CACNG5: variants seen among roughly 807,000 people sequenced by gnomAD.
CACNG5 encodes voltage-dependent calcium channel gamma-5 subunit.
A neutral mutation model predicts 24.8 loss-of-function variants in CACNG5; 18 were observed. The observed-to-expected ratio is 0.73, with a 90% confidence interval of 0.50 to 1.08. The LOEUF is 1.08. Ranked by LOEUF, CACNG5 falls within the 50% of genes least tolerant of loss-of-function variation. The probability of loss-of-function intolerance (pLI) is 0.00; values close to 1 mark genes in which losing one functional copy is unlikely to be tolerated. For missense variants in CACNG5, 349 were observed against 367.9 expected, an observed-to-expected ratio of 0.95 and a Z score of 0.42; for synonymous variants, 157 against 149.1, an observed-to-expected ratio of 1.05 and a Z score of -0.39.
chr17:66,839,667 G>C (rs893045433), intron 1 of CACNG5, among the ~76,000 whole-genome samples: 10 of 87,224 alleles, frequency 1.1e-4, no homozygotes, highest in African/African-American at 4.6e-4. Context: ...GGAGGAACAT[G>C]GAGGGGGGTC....
Position 66,893,005 on chromosome 17 carries a change from CT to C in CACNG5, c.*7766del, listed in dbSNP as rs1977365421. On this transcript the variant is annotated 3_prime_UTR_variant, in exon 6 of 6. Transcript: ENST00000533854. ...CAACATCATGACCACCAACATGCAT[CT>C]AAAGTCCTTATCAGAGTCCTTGGCA... is the stretch of plus-strand genomic sequence containing the variant. Among the ~76,000 whole-genome samples the C allele has an allele frequency of 6.6e-6, 1 of 152,216 alleles. No homozygotes were observed.
chr17:66,848,446 G>C (rs935170040), intron 1 of CACNG5, among the ~76,000 whole-genome samples: 1 of 152,200 alleles, frequency 6.6e-6, no homozygotes, highest in African/African-American at 2.4e-5. Context: ...AGTGGGGACA[G>C]TCCCAGGTAT....
intron 1 of CACNG5, among the ~76,000 whole-genome samples, chr17:66,863,770 T>C (rs910999747): frequency 1.3e-5 from 2 of 152,230 alleles, no homozygotes; most frequent in East Asian, 3.8e-4. Context: ...GCCTGAAGAA[T>C]CTGTTTAGTA....
chr17:66,893,470 G>T lies in CACNG5; in HGVS notation c.*8230G>T, dbSNP rs550381809. On this transcript the variant is annotated 3_prime_UTR_variant, in exon 6 of 6. Coordinates refer to ENST00000533854, the MANE Select transcript of CACNG5 (RefSeq NM_145811.3). ...CGTGGTGGAACCTCGCCACACTCTT[G>T]TTCTGGATAAATTGAAGCAACTGGA... is the stretch of plus-strand genomic sequence containing the variant. Among the ~76,000 whole-genome samples the T allele has an allele frequency of 6.6e-6, 1 of 152,192 alleles. No individual in the cohort carries two copies. The highest frequency in any genetic ancestry group is 1.5e-5 in the Non-Finnish European group (1 of 68,030).
chr17:66,883,653 C>G (rs1977198419), intron 4 of CACNG5, among the ~76,000 whole-genome samples: 1 of 152,178 alleles, frequency 6.6e-6, no homozygotes, highest in African/African-American at 2.4e-5. Context: ...CCTTTACCTC[C>G]CCTACCTAAA....
At chr17:66,878,942 G>A in intron 2 of CACNG5, 30 bp from the exon 3 acceptor site, 1 of 1,546,542 alleles carries the variant, frequency 6.5e-7, no homozygotes, top group Non-Finnish European at 8.9e-7. Context: ...GTTCAAGAGG[G>A]ACCTGGAAAT....
chr17:66,870,854 C>T (rs1375817190), intron 1 of CACNG5, among the ~76,000 whole-genome samples: 1 of 152,088 alleles, frequency 6.6e-6, no homozygotes, highest in Non-Finnish European at 1.5e-5. Flanking sequence ...GTGTTGGGCA[C>T]CTGCAATCCC....
At chr17:66,852,160 G>A (rs1030141344) in intron 1 of CACNG5, among the ~76,000 whole-genome samples, 1 of 152,170 alleles carries the variant, frequency 6.6e-6, no homozygotes, top group South Asian at 2.1e-4. Context: ...AGAACTTCAG[G>A]CTTTCTGGTC....
intron 1 of CACNG5, among the ~76,000 whole-genome samples, chr17:66,876,036 A>T (rs1977073361): frequency 6.6e-6 from 1 of 152,212 alleles, no homozygotes; most frequent in Non-Finnish European, 1.5e-5. Flanking sequence ...AGATTTTAGT[A>T]GGCAGACAAC....
intron 1 of CACNG5, among the ~76,000 whole-genome samples, chr17:66,858,719 C>T (rs899173932): frequency 6.7e-6 from 1 of 149,432 alleles, no homozygotes; most frequent in Non-Finnish European, 1.5e-5. Flanking sequence ...TCCCAGGGGC[C>T]CCCTGAAGAG....
intron 1 of CACNG5, among the ~76,000 whole-genome samples, chr17:66,841,632 G>A (rs1976569696): frequency 6.6e-6 from 1 of 152,154 alleles, no homozygotes; most frequent in Non-Finnish European, 1.5e-5. Flanking sequence ...CTTCTCAGGG[G>A]GCTGCCACAG....
At chr17:66,840,943 G>A (rs1011141053) in intron 1 of CACNG5, among the ~76,000 whole-genome samples, 1 of 152,204 alleles carries the variant, frequency 6.6e-6, no homozygotes, top group Admixed American at 6.5e-5. Context: ...TTCTGATGAT[G>A]ATGGGATGTC....
At chr17:66,884,956 C>T (rs139964677) in intron 5 of CACNG5, 27 bp from the exon 6 acceptor site, 2 of 1,614,008 alleles carry the variant, frequency 1.2e-6, no homozygotes, top group African/African-American at 1.3e-5. Context: ...AGCAGCGAGC[C>T]CATCCTCTGC....
rs141219015 is a variant in CACNG5, at chr17:66,877,510, C to T, written c.178C>T (p.Arg60Trp). Residue 60 changes from arginine (R) to tryptophan (W), a missense_variant, in exon 2 of 6, where the codon CGG (arginine) becomes TGG (tryptophan). Physicochemically the swap from Arg to Trp is moderately radical, Grantham distance 101. Transcript: ENST00000533854. ...IKMSLHSGLW[R>W]VCFLAGEERG... ...GATGTCCCTGCACTCAGGCCTCTGG[C>T]GGGTCTGCTTCCTTGCAGGTAAGGG... 131 of 1,613,752 alleles carry T rather than the reference C, an allele frequency of 8.1e-5. 1 individual carries two copies. The highest frequency in any genetic ancestry group is 7.1e-4 in the African/African-American group (53 of 75,022).
chr17:66,873,714 C>T (rs1977041128), intron 1 of CACNG5, among the ~76,000 whole-genome samples: 1 of 152,196 alleles, frequency 6.6e-6, no homozygotes, highest in South Asian at 2.1e-4. Flanking sequence ...TTTAATCACA[C>T]CAGCAATTTT....
At position 66,885,530 on chromosome 17, in the gene CACNG5, C is replaced by T; in HGVS notation, c.*290C>T. 2.3e-6 allele frequency: 1 copy of T among 431,214 alleles called. No individual in the cohort carries two copies. Among genetic ancestry groups the T allele is most frequent in the Non-Finnish European group, 4.1e-6 (1 of 242,296 alleles). 26.7% of individuals were successfully genotyped at this position (431,214 alleles called of 1,614,324 possible). A position where few individuals can be genotyped will look rare whatever the true frequency, so the allele number is the denominator to read the frequency against. On this transcript the variant is annotated 3_prime_UTR_variant, in exon 6 of 6. Transcript: ENST00000533854. Reference sequence around the variant, plus strand: ...TGGCTCCAGGAAGCCAGCAGCTCCCCCCAAGCCCAGGAGACACCGATGTTC... The same window carrying T: ...TGGCTCCAGGAAGCCAGCAGCTCCCTCCAAGCCCAGGAGACACCGATGTTC...
intron 1 of CACNG5, among the ~76,000 whole-genome samples, chr17:66,846,407 G>A (rs1293712708): frequency 6.6e-6 from 1 of 152,046 alleles, no homozygotes. Flanking sequence ...CAAGGCCCTG[G>A]CAACCTCTAA....
rs1977381213 is a variant in CACNG5 at position 66,894,109 on chromosome 17, C to A, written c.*8869C>A. 6.6e-6 allele frequency among the ~76,000 whole-genome samples: 1 copy of A among 152,162 alleles called. No individual in the cohort carries two copies. ...GTAAACACCATCCCGCCACCCCTCT[C>A]AGGCCCTGCCAAGGACTCTGCTCAC... On this transcript the variant is annotated 3_prime_UTR_variant, in exon 6 of 6. Coordinates refer to ENST00000533854, the MANE Select transcript of CACNG5 (RefSeq NM_145811.3).
At chr17:66,842,824 C>T (rs1423421391) in intron 1 of CACNG5, among the ~76,000 whole-genome samples, 1 of 152,168 alleles carries the variant, frequency 6.6e-6, no homozygotes, top group Non-Finnish European at 1.5e-5. Flanking sequence ...GCAGCTGGAA[C>T]CAGGTGATGT....
Sources: gnomAD v4.1 joint callset for allele counts (sites outside exome capture counted in the v4.1 genomes callset) on GRCh38, gnomAD v4.1.1 for gene constraint, MANE v1.5 for transcripts, NCBI Gene and HGNC (gene_info 2026-07-23, HGNC 2026-07-21) for gene names.